Variants in PIWIL4 observed in about 807,000 individuals in gnomAD.
PIWIL4 encodes the protein piwi-like protein 4.
In PIWIL4, 50 loss-of-function variants were observed where a neutral mutation model predicts 100.9. That is an observed-to-expected ratio of 0.50 (90% CI 0.39 to 0.63). The LOEUF (loss-of-function observed/expected upper bound fraction) is 0.63, where lower values mean the gene tolerates loss of function less well. Ranked by LOEUF, PIWIL4 falls within the 20% of genes least tolerant of loss-of-function variation. The pLI, the probability that PIWIL4 is intolerant of heterozygous loss-of-function variation, is 0.00. For synonymous variants in PIWIL4, 342 were observed against 367.5 expected (o/e 0.93, Z 0.79); for missense variants, 887 against 1,043.3 (o/e 0.85, Z 2.06).
chr11:94,590,413 T>C (rs1345744120), intron 8 of PIWIL4, among the ~76,000 whole-genome samples: 1 of 152,192 alleles, frequency 6.6e-6, no homozygotes, highest in African/African-American at 2.4e-5. Context: ...CCTTTGACGT[T>C]TTCCTCCTTC....
intron 15 of PIWIL4, among the ~76,000 whole-genome samples, chr11:94,612,315 G>GT (rs35206610): frequency 1.4e-3 from 205 of 143,444 alleles, no homozygotes; most frequent in South Asian, 0.012. Flanking sequence ...TTTTTGTGAG[G>GT]TTTTTTTTTT....
At chr11:94,588,603 GAGA>G (rs1948437849) in intron 7 of PIWIL4, among the ~76,000 whole-genome samples, 1 of 152,220 alleles carries the variant, frequency 6.6e-6, no homozygotes, top group African/African-American at 2.4e-5. Context: ...TGCTGAAGGG[GAGA>G]AGGAGCTTAG....
chr11:94,597,468 A>G (rs982083430), intron 10 of PIWIL4, among the ~76,000 whole-genome samples: 14 of 152,202 alleles, frequency 9.2e-5, no homozygotes, highest in African/African-American at 3.4e-4. Flanking sequence ...TGCTTTTATT[A>G]TCCTTACATT....
intron 8 of PIWIL4, among the ~76,000 whole-genome samples, chr11:94,592,807 A>G (rs974635063): frequency 5.3e-5 from 8 of 152,162 alleles, no homozygotes; most frequent in African/African-American, 1.9e-4. Flanking sequence ...TAAGTTTAGG[A>G]TGGTAAAGGG....
At chr11:94,570,807 G>A (rs139717313) in intron 2 of PIWIL4, among the ~76,000 whole-genome samples, 10 of 152,226 alleles carry the variant, frequency 6.6e-5, no homozygotes, top group African/African-American at 9.6e-5. Flanking sequence ...CAGAAGAATC[G>A]CTTGAACCCG....
chr11:94,611,485 T>C (rs996811328), intron 15 of PIWIL4, among the ~76,000 whole-genome samples: 5 of 152,194 alleles, frequency 3.3e-5, no homozygotes, highest in African/African-American at 4.8e-5. Context: ...TCCTCCATTA[T>C]TAATTCTAGT....
intron 10 of PIWIL4, among the ~76,000 whole-genome samples, chr11:94,596,473 G>A (rs1186711668): frequency 6.6e-6 from 1 of 152,054 alleles, no homozygotes; most frequent in African/African-American, 2.4e-5. Context: ...TTTTTTAAAA[G>A]AGAAATGGTA....
Position 94,621,115 on chromosome 11 carries a change from A to C in PIWIL4, c.*123A>C, listed in dbSNP as rs1217437388. ...AAGATTGAGCTTAGTTTTCATGTCT[A>C]GGAAAAAAAGCAAAACAACTTAATC... On this transcript the variant is annotated 3_prime_UTR_variant, in exon 20 of 20. Coordinates refer to ENST00000299001, the MANE Select transcript of PIWIL4 (RefSeq NM_152431.3). 1 of 636,988 alleles carries C rather than the reference A, an allele frequency of 1.6e-6. No individual in the cohort carries two copies. Among genetic ancestry groups the C allele is most frequent in the Non-Finnish European group, 2.7e-6 (1 of 375,920 alleles). The allele number at this position is 636,988 out of a possible 1,614,324, so 39.5% of individuals were successfully genotyped here. A position where few individuals can be genotyped will look rare whatever the true frequency, so the allele number is the denominator to read the frequency against.
At chr11:94,610,811 T>G (rs1344339642) in intron 15 of PIWIL4, among the ~76,000 whole-genome samples, 1 of 152,204 alleles carries the variant, frequency 6.6e-6, no homozygotes, top group Non-Finnish European at 1.5e-5. Context: ...CAGAAACTTT[T>G]ATTATATTGT....
At chr11:94,614,363 G>A (rs1245502667) in intron 15 of PIWIL4, among the ~76,000 whole-genome samples, 1 of 145,124 alleles carries the variant, frequency 6.9e-6, no homozygotes, top group Non-Finnish European at 1.5e-5. Context: ...GCTGGAGTGT[G>A]GTGGTGCGAT....
At chr11:94,568,829 T>C in intron 2 of PIWIL4, 21 bp downstream of exon 2, 1 of 1,571,500 alleles carries the variant, frequency 6.4e-7, no homozygotes, top group Non-Finnish European at 8.8e-7. Flanking sequence ...CTCAGCCTGT[T>C]CATTTAGTAC....
rs1274083765 is a variant in PIWIL4 at position 94,617,868 on chromosome 11, C to G, written c.2015-86C>G. 4.2e-6 allele frequency: 6 copies of G among 1,443,696 alleles called. No homozygotes were observed. In the Admixed American group the frequency reaches 8.5e-5, roughly 21 times the overall value. 89.4% of individuals were successfully genotyped at this position (1,443,696 alleles called of 1,614,324 possible). ...TTACAGTGGTCTGAAATAGCAAACC[C>G]ATTTAAACACTGCAATATATGGGAA... On this transcript the variant is annotated intron_variant, in intron 16 of 19. Coordinates refer to ENST00000299001, the MANE Select transcript of PIWIL4 (RefSeq NM_152431.3).
intron 15 of PIWIL4, among the ~76,000 whole-genome samples, chr11:94,612,318 T>TGG (rs1565283594): frequency 2.7e-5 from 3 of 112,970 alleles, no homozygotes; most frequent in East Asian, 5.0e-4. Flanking sequence ...TTGTGAGGTT[T>TGG]TTTTTTTTTT....
intron 10 of PIWIL4, 137 bp downstream of exon 10, chr11:94,595,563 C>T: frequency 1.5e-6 from 1 of 686,304 alleles, no homozygotes; most frequent in Non-Finnish European, 2.4e-6. Flanking sequence ...TTGTGCTGTC[C>T]ACAGCCCTTC....
At chr11:94,598,686 TG>T (rs1434997979) in intron 11 of PIWIL4, among the ~76,000 whole-genome samples, 1 of 148,056 alleles carries the variant, frequency 6.8e-6, no homozygotes, top group South Asian at 2.2e-4. Context: ...GTTGGTAGAA[TG>T]GGGGGAATTT....
chr11:94,592,828 G>T (rs543116446), intron 8 of PIWIL4, among the ~76,000 whole-genome samples: 1 of 152,294 alleles, frequency 6.6e-6, no homozygotes, highest in African/African-American at 2.4e-5. Context: ...AGAGGAATAT[G>T]AACTAACAGT....
At chr11:94,599,723 C>T (rs917425892) in intron 11 of PIWIL4, among the ~76,000 whole-genome samples, 3 of 152,220 alleles carry the variant, frequency 2.0e-5, no homozygotes, top group African/African-American at 7.2e-5. Flanking sequence ...TGCTTGGTCA[C>T]AAGTGCCCTG....
intron 12 of PIWIL4, among the ~76,000 whole-genome samples, chr11:94,603,083 A>T (rs1417058454): frequency 1.3e-5 from 2 of 152,204 alleles, no homozygotes; most frequent in African/African-American, 4.8e-5. Context: ...TTAGATTTAT[A>T]TGCATAGCTT....
chr11:94,586,311 G>C (rs1948397532), intron 6 of PIWIL4, among the ~76,000 whole-genome samples: 1 of 151,990 alleles, frequency 6.6e-6, no homozygotes, highest in African/African-American at 2.4e-5. Flanking sequence ...CTGTCCCGGA[G>C]GCTGGCTTAG....
Sources: gnomAD v4.1 joint callset for allele counts (sites outside exome capture counted in the v4.1 genomes callset) on GRCh38, gnomAD v4.1.1 for gene constraint, MANE v1.5 for transcripts, NCBI Gene and HGNC (gene_info 2026-07-23, HGNC 2026-07-21) for gene names.